The following NOTCH2NLA variants were observed in gnomAD, a reference collection of about 807,000 sequenced individuals.
NOTCH2NLA encodes notch homolog 2 N-terminal-like protein A.
chr1:146,174,460 AC>A, intron 2 of NOTCH2NLA, among the ~76,000 whole-genome samples: 1 of 150,346 alleles, frequency 6.7e-6, no homozygotes. Flanking sequence ...AACAACAACA[AC>A]AACAACAAAG....
intron 2 of NOTCH2NLA, among the ~76,000 whole-genome samples, chr1:146,180,107 G>A (rs1158237006): frequency 2.1e-5 from 3 of 142,888 alleles, no homozygotes; most frequent in Non-Finnish European, 4.8e-5. Flanking sequence ...ATTCTATAGC[G>A]CTTCAGAGTC....
At chr1:146,224,455 AGT>A (rs1222588802) in intron 1 of NOTCH2NLA, among the ~76,000 whole-genome samples, 3 of 46,466 alleles carry the variant, frequency 6.5e-5, no homozygotes, top group Non-Finnish European at 8.1e-5. Context: ...AAATTGCAGA[AGT>A]GATCAGAAAA....
chr1:146,206,890 C>CA (rs1327556628), intron 1 of NOTCH2NLA, among the ~76,000 whole-genome samples: 1 of 20,332 alleles, frequency 4.9e-5, no homozygotes, highest in Non-Finnish European at 1.1e-4. Flanking sequence ...ACTAAAAATA[C>CA]AAAAAAATTA....
intron 2 of NOTCH2NLA, among the ~76,000 whole-genome samples, chr1:146,186,156 C>T (rs1662749794): frequency 7.4e-6 from 1 of 134,344 alleles, no homozygotes; most frequent in African/African-American, 2.5e-5. Context: ...TAGGGAATCA[C>T]TCTCTTTATA....
chr1:146,186,990 C>T lies in NOTCH2NLA; in HGVS notation c.38+2310G>A, dbSNP rs1358130673. 3.0e-5 allele frequency among the ~76,000 whole-genome samples: 4 copies of T among 132,302 alleles called. 1 individual carries two copies. Among genetic ancestry groups the T allele is most frequent in the East Asian group, 4.1e-4 (2 of 4,862 alleles). 86.8% of individuals were successfully genotyped at this position (132,302 alleles called of 152,430 possible). A position where few individuals can be genotyped will look rare whatever the true frequency, so the allele number is the denominator to read the frequency against. On this transcript the variant is annotated intron_variant, in intron 2 of 4. Coordinates refer to ENST00000362074, the Ensembl canonical transcript of NOTCH2NLA. ...CCCGTCATCCAGGTTTTAAGCCCCA[C>T]GTGCATTAGGTATTCATCCTAATGC...
intron 2 of NOTCH2NLA, among the ~76,000 whole-genome samples, chr1:146,180,511 G>T (rs1349835413): frequency 4.2e-5 from 6 of 142,412 alleles, no homozygotes; most frequent in Admixed American, 1.4e-4. Context: ...TACATTTTTG[G>T]ACTCAGAGGA....
At chr1:146,177,860 T>C in intron 2 of NOTCH2NLA, among the ~76,000 whole-genome samples, 1 of 142,376 alleles carries the variant, frequency 7.0e-6, no homozygotes, top group Middle Eastern at 3.5e-3. Flanking sequence ...ATGTTAATGT[T>C]TGGGTGTTTG....
chr1:146,186,211 C>G (rs1201652483), intron 2 of NOTCH2NLA, among the ~76,000 whole-genome samples: 13 of 136,152 alleles, frequency 9.5e-5, no homozygotes, highest in Admixed American at 6.1e-4. Context: ...ATGGCCTCAC[C>G]AAATTTTTTC....
chr1:146,226,412 TCTC>T (rs1331536509), intron 1 of NOTCH2NLA, among the ~76,000 whole-genome samples: 1 of 77,048 alleles, frequency 1.3e-5, no homozygotes, highest in South Asian at 4.7e-4. Context: ...ACTGCTAACA[TCTC>T]CTTGCCTTAG....
intron 2 of NOTCH2NLA, among the ~76,000 whole-genome samples, chr1:146,180,336 A>AT (rs2102313332): frequency 7.1e-6 from 1 of 141,360 alleles, no homozygotes; most frequent in East Asian, 2.0e-4. Flanking sequence ...AATATCACCC[A>AT]TCACTTAAAT....
At chr1:146,195,025 T>C (rs1475399875) in intron 1 of NOTCH2NLA, among the ~76,000 whole-genome samples, 9 of 109,226 alleles carry the variant, frequency 8.2e-5, no homozygotes, top group Non-Finnish European at 3.7e-5. Context: ...CCTGGAGGGT[T>C]CTGGTCCTCA....
intron 2 of NOTCH2NLA, among the ~76,000 whole-genome samples, chr1:146,186,881 T>C (rs1318219963): frequency 7.4e-6 from 1 of 135,934 alleles, no homozygotes; most frequent in Non-Finnish European, 1.7e-5. Context: ...TAATTTTGCT[T>C]TTAAGTTTTG....
In NOTCH2NLA at chr1:146,200,678, T is replaced by C. The variant is rs1160472988; in HGVS notation, c.-44-11297A>G. 2.5e-3 allele frequency among the ~76,000 whole-genome samples: 319 copies of C among 128,052 alleles called. 47 individuals are homozygous for C. The highest frequency in any genetic ancestry group is 7.7e-3 in the Admixed American group (99 of 12,794). 84.0% of individuals were successfully genotyped at this position (128,052 alleles called of 152,430 possible). A position where few individuals can be genotyped will look rare whatever the true frequency, so the allele number is the denominator to read the frequency against. ...ACTCCATCAGCGTTTTGATTACTCATATTCTTTCTTTATTGTAAATGCAAG... is the reference window on the plus strand; with the variant it reads ...ACTCCATCAGCGTTTTGATTACTCACATTCTTTCTTTATTGTAAATGCAAG... On this transcript the variant is annotated intron_variant, in intron 1 of 4. Coordinates refer to ENST00000362074, the Ensembl canonical transcript of NOTCH2NLA.
chr1:146,174,424 T>TTTA (rs1186422671), intron 2 of NOTCH2NLA, among the ~76,000 whole-genome samples: 4 of 138,262 alleles, frequency 2.9e-5, no homozygotes, highest in East Asian at 2.0e-4. Flanking sequence ...TTTTTTTTTT[T>TTTA]AAAACGAGGA....
At chr1:146,207,808 CCACT>C (rs1208906660) in intron 1 of NOTCH2NLA, among the ~76,000 whole-genome samples, 1 of 104,052 alleles carries the variant, frequency 9.6e-6, no homozygotes, top group Non-Finnish European at 2.2e-5. Flanking sequence ...AGGCCCAATA[CCACT>C]TTCTTTTTTT....
chr1:146,186,618 A>G (rs1193690323), intron 2 of NOTCH2NLA, among the ~76,000 whole-genome samples: 1 of 128,528 alleles, frequency 7.8e-6, no homozygotes, highest in Non-Finnish European at 1.8e-5. Context: ...CCAACAGTCC[A>G]ACAAAGAACT....
At chr1:146,159,485 G>A (rs1445935500) in intron 3 of NOTCH2NLA, among the ~76,000 whole-genome samples, 7 of 151,326 alleles carry the variant, frequency 4.6e-5, no homozygotes, top group Non-Finnish European at 1.0e-4. Flanking sequence ...AAGAAAGAAA[G>A]AATCAACCCT....
intron 3 of NOTCH2NLA, among the ~76,000 whole-genome samples, chr1:146,162,172 T>A (rs372635287): frequency 1.4e-5 from 2 of 142,148 alleles, no homozygotes; most frequent in East Asian, 4.4e-4. Flanking sequence ...CCTTTCTCCT[T>A]TATCATGTGA....
chr1:146,159,393 G>GAGAAAA (rs1661348969), intron 3 of NOTCH2NLA, among the ~76,000 whole-genome samples: 5 of 111,040 alleles, frequency 4.5e-5, no homozygotes, highest in African/African-American at 1.7e-4. Flanking sequence ...GAGAAAGAGA[G>GAGAAAA]AGAAAGAAAG....
Sources: gnomAD v4.1 joint callset for allele counts (sites outside exome capture counted in the v4.1 genomes callset) on GRCh38, gnomAD v4.1.1 for gene constraint, MANE v1.5 for transcripts, NCBI Gene and HGNC (gene_info 2026-07-23, HGNC 2026-07-21) for gene names.